The following PTPRD variants were observed in gnomAD, a reference collection of about 807,000 sequenced individuals.
The protein encoded by PTPRD is protein tyrosine phosphatase receptor type D, also known as receptor-type tyrosine-protein phosphatase delta.
Under a neutral mutation model 214.5 loss-of-function variants are expected in PTPRD, and 34 were observed. The observed-to-expected ratio is 0.16, with a 90% CI of 0.12 to 0.21. PTPRD has a LOEUF of 0.21. PTPRD is among the 10% of genes least tolerant of loss of function. The probability of loss-of-function intolerance (pLI) is 1.00; values close to 1 mark genes in which losing one functional copy is unlikely to be tolerated. For synonymous variants in PTPRD, 1,128 were observed against 845.7 expected (o/e 1.33, Z -5.79); for missense variants, 2,545 against 2,398.7 (o/e 1.06, Z -1.27).
chr9:10,169,406 G>A (rs191423563), intron 3 of PTPRD, among the ~76,000 whole-genome samples: 7,488 of 147,556 alleles, frequency 0.051, 276 homozygotes, highest in Admixed American at 0.096. Context: ...CCCCGGAGGC[G>A]GAGCTTGCAG....
At chr9:8,972,219 G>T (rs115561857) in intron 11 of PTPRD, among the ~76,000 whole-genome samples, 2 of 151,758 alleles carry the variant, frequency 1.3e-5, no homozygotes, top group African/African-American at 4.8e-5. Context: ...AGACTAATAC[G>T]GGACTGGTGT....
At chr9:10,416,023 T>A (rs1375647899) in intron 2 of PTPRD, among the ~76,000 whole-genome samples, 1 of 151,634 alleles carries the variant, frequency 6.6e-6, no homozygotes, top group African/African-American at 2.4e-5. Flanking sequence ...AACAGAGACA[T>A]TTTTTTCAAA....
chr9:9,945,814 T>C (rs1055737545), intron 4 of PTPRD, among the ~76,000 whole-genome samples: 5 of 152,098 alleles, frequency 3.3e-5, no homozygotes, highest in Non-Finnish European at 7.4e-5. Context: ...CAATAGACCA[T>C]GTTCTCTGAC....
At chr9:8,371,288 C>G (rs184219392) in intron 39 of PTPRD, among the ~76,000 whole-genome samples, 27 of 152,206 alleles carry the variant, frequency 1.8e-4, no homozygotes, top group Non-Finnish European at 3.1e-4. Context: ...CCTTGAAACT[C>G]TTACTATTTT....
At chr9:8,800,186 T>A (rs778359498) in intron 11 of PTPRD, among the ~76,000 whole-genome samples, 1 of 152,112 alleles carries the variant, frequency 6.6e-6, no homozygotes, top group African/African-American at 2.4e-5. Flanking sequence ...TTCTGATGAC[T>A]GCTGAACACC....
intron 45 of PTPRD, 62 bp downstream of exon 45, chr9:8,319,769 G>A (rs1302813851): frequency 1.9e-6 from 3 of 1,597,222 alleles, no homozygotes; most frequent in Non-Finnish European, 1.7e-6. Flanking sequence ...ATGGAGTCCG[G>A]GAGGTCCAGG....
chr9:10,139,863 A>G (rs183979758), intron 3 of PTPRD, among the ~76,000 whole-genome samples: 15 of 152,232 alleles, frequency 9.9e-5, no homozygotes, highest in Non-Finnish European at 1.6e-4. Context: ...GTGAATCCCT[A>G]TCTATCACCA....
chr9:10,104,990 T>C (rs534440424), intron 3 of PTPRD, among the ~76,000 whole-genome samples: 2 of 151,938 alleles, frequency 1.3e-5, no homozygotes, highest in African/African-American at 4.8e-5. Flanking sequence ...TTTTCTCCCT[T>C]TGTATATCTG....
At chr9:9,556,972 A>T (rs796689955) in intron 8 of PTPRD, among the ~76,000 whole-genome samples, 2 of 152,080 alleles carry the variant, frequency 1.3e-5, no homozygotes, top group African/African-American at 2.4e-5. Context: ...TCTGTTTGTT[A>T]CTCTATCACT....
At chr9:9,333,425 G>C (rs2043081460) in intron 9 of PTPRD, among the ~76,000 whole-genome samples, 1 of 149,580 alleles carries the variant, frequency 6.7e-6, no homozygotes. Context: ...GCTACATAGA[G>C]AGCATTGGGC....
At chr9:9,546,884 G>C (rs1280240410) in intron 8 of PTPRD, among the ~76,000 whole-genome samples, 1 of 150,690 alleles carries the variant, frequency 6.6e-6, no homozygotes, top group East Asian at 2.0e-4. Flanking sequence ...AAAACCACCA[G>C]GTAAATAATG....
At chr9:9,075,441 T>C (rs1049358696) in intron 10 of PTPRD, among the ~76,000 whole-genome samples, 10 of 152,220 alleles carry the variant, frequency 6.6e-5, no homozygotes, top group African/African-American at 2.4e-4. Context: ...CTTTAAGTTC[T>C]AGGGTACATG....
chr9:8,975,336 C>G (rs1374665520), intron 11 of PTPRD, among the ~76,000 whole-genome samples: 1 of 152,026 alleles, frequency 6.6e-6, no homozygotes, highest in Non-Finnish European at 1.5e-5. Flanking sequence ...ACTCCTAACT[C>G]TGCTTTTCAG....
At chr9:9,670,985 C>T (rs897285720) in intron 7 of PTPRD, among the ~76,000 whole-genome samples, 1 of 152,076 alleles carries the variant, frequency 6.6e-6, no homozygotes, top group Admixed American at 6.6e-5. Context: ...TCTCTATTCC[C>T]TAGTGGAGCT....
At chr9:8,771,360 G>A (rs1348118258) in intron 11 of PTPRD, among the ~76,000 whole-genome samples, 1 of 152,126 alleles carries the variant, frequency 6.6e-6, no homozygotes, top group Non-Finnish European at 1.5e-5. Flanking sequence ...GACTATCACT[G>A]TACTTTTAAA....
intron 26 of PTPRD, 47 bp from the exon 27 acceptor site, chr9:8,493,026 T>G (rs748103014): frequency 2.7e-6 from 4 of 1,486,450 alleles, no homozygotes; most frequent in Admixed American, 3.4e-5. Context: ...ATGCTACTAA[T>G]GCTCTGGGGG....
chr9:9,302,109 T>A (rs1003236770), intron 9 of PTPRD, among the ~76,000 whole-genome samples: 1 of 152,022 alleles, frequency 6.6e-6, no homozygotes. Context: ...GTTATCTATA[T>A]GGTTACTAAG....
At chr9:10,011,985 T>C (rs2096609756) in intron 4 of PTPRD, among the ~76,000 whole-genome samples, 1 of 151,950 alleles carries the variant, frequency 6.6e-6, no homozygotes, top group African/African-American at 2.4e-5. Context: ...TTTGTTTTGC[T>C]AATTAACTTT....
chr9:8,368,699 C>G (rs1014452901), intron 39 of PTPRD, among the ~76,000 whole-genome samples: 2 of 88,242 alleles, frequency 2.3e-5, no homozygotes, highest in African/African-American at 6.2e-5. Flanking sequence ...TTTTTTGGTT[C>G]CATTACTTTT....
Sources: gnomAD v4.1 joint callset for allele counts (sites outside exome capture counted in the v4.1 genomes callset) on GRCh38, gnomAD v4.1.1 for gene constraint, MANE v1.5 for transcripts, NCBI Gene and HGNC (gene_info 2026-07-23, HGNC 2026-07-21) for gene names.